LRMDA: variants seen among roughly 807,000 people sequenced by gnomAD.
LRMDA encodes leucine rich melanocyte differentiation associated, also known as leucine-rich melanocyte differentiation-associated protein.
Under a neutral mutation model 29.8 loss-of-function variants are expected in LRMDA, and 18 were observed. The observed-to-expected ratio is 0.60, with a 90% CI of 0.42 to 0.90. The LOEUF is 0.90. Ranked by LOEUF, LRMDA falls within the 40% of genes least tolerant of loss-of-function variation. The probability of loss-of-function intolerance (pLI) is 0.00; values close to 1 mark genes in which losing one functional copy is unlikely to be tolerated. For missense variants in LRMDA, 273 were observed against 273.9 expected (o/e 1.00, Z 0.02); for synonymous variants, 125 against 109.4 (o/e 1.14, Z -0.89).
chr10:75,719,842 C>G (rs1296262418), intron 2 of LRMDA, among the ~76,000 whole-genome samples: 2 of 152,054 alleles, frequency 1.3e-5, no homozygotes, highest in African/African-American at 4.8e-5. Context: ...GCCTACTTTC[C>G]CAATTACTTT....
At chr10:75,458,185 T>A (rs1844542805) in intron 2 of LRMDA, among the ~76,000 whole-genome samples, 2 of 152,250 alleles carry the variant, frequency 1.3e-5, no homozygotes, top group Admixed American at 1.3e-4. Flanking sequence ...TTTGTTCCTG[T>A]AGAAGATATA....
At chr10:75,682,716 C>G (rs1022942912) in intron 2 of LRMDA, among the ~76,000 whole-genome samples, 1 of 152,124 alleles carries the variant, frequency 6.6e-6, no homozygotes, top group Non-Finnish European at 1.5e-5. Flanking sequence ...ACTGCTCCAT[C>G]TGGGGGCTGC....
chr10:76,419,667 T>C (rs1842053339), intron 6 of LRMDA, among the ~76,000 whole-genome samples: 1 of 152,134 alleles, frequency 6.6e-6, no homozygotes, highest in African/African-American at 2.4e-5. Context: ...TGTACCATTT[T>C]GCATTCCCAC....
At chr10:76,187,542 T>G (rs1356727973) in intron 5 of LRMDA, among the ~76,000 whole-genome samples, 3 of 152,208 alleles carry the variant, frequency 2.0e-5, no homozygotes, top group African/African-American at 7.2e-5. Context: ...GAGCTTCAAT[T>G]TCCTCATCAG....
At chr10:76,287,477 T>C (rs1840286923) in intron 5 of LRMDA, among the ~76,000 whole-genome samples, 1 of 152,136 alleles carries the variant, frequency 6.6e-6, no homozygotes, top group African/African-American at 2.4e-5. Flanking sequence ...TTAATCTAAC[T>C]TGACTCTAAG....
chr10:75,494,821 A>G (rs949143071), intron 2 of LRMDA, among the ~76,000 whole-genome samples: 2 of 152,178 alleles, frequency 1.3e-5, no homozygotes, highest in South Asian at 2.1e-4. Flanking sequence ...TTTCTCATGT[A>G]AAAGAGGCCT....
At chr10:75,532,425 G>T (rs1343187398) in intron 2 of LRMDA, among the ~76,000 whole-genome samples, 3 of 152,138 alleles carry the variant, frequency 2.0e-5, no homozygotes, top group African/African-American at 4.8e-5. Flanking sequence ...GGGCCTGGGT[G>T]TTAACACATT....
intron 5 of LRMDA, among the ~76,000 whole-genome samples, chr10:76,177,985 G>C (rs1205931071): frequency 1.3e-5 from 2 of 152,180 alleles, no homozygotes; most frequent in Non-Finnish European, 2.9e-5. Flanking sequence ...ATGCTGCTTA[G>C]CTCACATTGG....
chr10:75,905,715 C>G (rs983452830), intron 2 of LRMDA, among the ~76,000 whole-genome samples: 6 of 152,040 alleles, frequency 3.9e-5, no homozygotes, highest in African/African-American at 1.2e-4. Context: ...TTCTGTTGGT[C>G]TCTCGTGTTC....
rs1236352398 is a variant in LRMDA, at chr10:76,476,850, G to A, written c.602-80359G>A. Among the ~76,000 whole-genome samples, 7 of 152,082 alleles carry A rather than the reference G, an allele frequency of 4.6e-5. No homozygotes were observed. The East Asian group carries it at 5.8e-4, about 13-fold the overall frequency. On this transcript the variant is annotated intron_variant, in intron 6 of 6. Transcript: ENST00000611255. The stretch of plus-strand genomic sequence containing the variant: ...AAAAGGCCTTTGACAAAATTCAACA[G>A]CCCTTCATGCTAAAAACTCTCAATA...
intron 5 of LRMDA, among the ~76,000 whole-genome samples, chr10:76,278,814 G>T (rs550416014): frequency 6.6e-6 from 1 of 152,154 alleles, no homozygotes; most frequent in Non-Finnish European, 1.5e-5. Context: ...TTTATTGAAA[G>T]ATTCTTTTAC....
intron 5 of LRMDA, among the ~76,000 whole-genome samples, chr10:76,209,771 C>T (rs1851603329): frequency 6.6e-6 from 1 of 152,158 alleles, no homozygotes. Context: ...CCTGTATGAA[C>T]ATCCATTGTG....
At chr10:75,817,345 T>A (rs1183065215) in intron 2 of LRMDA, among the ~76,000 whole-genome samples, 1 of 152,242 alleles carries the variant, frequency 6.6e-6, no homozygotes, top group Non-Finnish European at 1.5e-5. Flanking sequence ...GATGCTGAAA[T>A]TATTTCATCT....
chr10:76,256,015 G>T (rs904635684), intron 5 of LRMDA, among the ~76,000 whole-genome samples: 2 of 152,168 alleles, frequency 1.3e-5, no homozygotes, highest in Admixed American at 6.5e-5. Flanking sequence ...GGCTCATTGT[G>T]TAATATCTTT....
intron 6 of LRMDA, among the ~76,000 whole-genome samples, chr10:76,375,261 T>C (rs1190583657): frequency 2.0e-5 from 3 of 151,956 alleles, no homozygotes; most frequent in African/African-American, 7.3e-5. Context: ...GTGTAGGATG[T>C]GACAGAAACT....
At chr10:76,217,917 A>C (rs1180220072) in intron 5 of LRMDA, among the ~76,000 whole-genome samples, 1 of 152,200 alleles carries the variant, frequency 6.6e-6, no homozygotes, top group Non-Finnish European at 1.5e-5. Flanking sequence ...TTTCCTGTAC[A>C]AGAATTTCAA....
chr10:75,582,732 T>G (rs73277011), intron 2 of LRMDA, among the ~76,000 whole-genome samples: 2,241 of 152,336 alleles, frequency 0.015, 60 homozygotes, highest in African/African-American at 0.051. Context: ...TTTTCTTTTT[T>G]ACTACATGGC....
chr10:76,197,082 G>T (rs910248162), intron 5 of LRMDA, among the ~76,000 whole-genome samples: 1 of 152,150 alleles, frequency 6.6e-6, no homozygotes, highest in Admixed American at 6.5e-5. Context: ...AAGACACCTG[G>T]TATATGTTTC....
At chr10:75,816,379 T>A (rs1412006694) in intron 2 of LRMDA, among the ~76,000 whole-genome samples, 4 of 152,146 alleles carry the variant, frequency 2.6e-5, no homozygotes, top group Non-Finnish European at 5.9e-5. Flanking sequence ...GACTGCCATG[T>A]TGTGCTGTGA....
Sources: allele counts gnomAD v4.1 joint callset (sites outside exome capture counted in the v4.1 genomes callset), GRCh38; gene constraint gnomAD v4.1.1; transcripts MANE v1.5; gene names NCBI Gene and HGNC (gene_info 2026-07-23, HGNC 2026-07-21).